Variants in TDRD1 observed in about 807,000 individuals in gnomAD.
TDRD1 encodes the protein tudor domain containing 1.
A neutral mutation model predicts 140.6 loss-of-function variants in TDRD1; 37 were observed. That is an observed-to-expected ratio of 0.26 (90% CI 0.20 to 0.35). The LOEUF (loss-of-function observed/expected upper bound fraction) is 0.35. Ranked by LOEUF, TDRD1 falls within the 10% of genes least tolerant of loss-of-function variation. The pLI is 1.00. For synonymous variants in TDRD1, 506 were observed against 475.7 expected (o/e 1.06, Z -0.83); for missense variants, 1,243 against 1,393.0 (o/e 0.89, Z 1.71).
chr10:114,175,034 A>C (rs2032660312), upstream of TDRD1, among the ~76,000 whole-genome samples: 1 of 152,250 alleles, frequency 6.6e-6, no homozygotes. Flanking sequence ...TTTGTAAAGC[A>C]AAACTTACTA....
chr10:114,228,535 G>C, intron 25 of TDRD1: 1 of 991,284 alleles, frequency 1.0e-6, no homozygotes, highest in Non-Finnish European at 1.2e-6. Flanking sequence ...TTTTGCGAGG[G>C]GTATCTAAAG....
intron 18 of TDRD1, among the ~76,000 whole-genome samples, chr10:114,219,615 T>G (rs911813175): frequency 3.3e-5 from 5 of 151,342 alleles, no homozygotes; most frequent in African/African-American, 9.7e-5. Flanking sequence ...GAGATGGGGT[T>G]TCACTGTTGT....
At chr10:114,175,321 T>A (rs1343834720), upstream of TDRD1, among the ~76,000 whole-genome samples, 4 of 152,224 alleles carry the variant, frequency 2.6e-5, no homozygotes, top group Non-Finnish European at 5.9e-5. Flanking sequence ...TATTTCTGAA[T>A]TTATAATTAG....
chr10:114,220,810 C>T (rs770069442), exon 19 of TDRD1: 1 of 1,611,782 alleles, frequency 6.2e-7, no homozygotes, highest in Admixed American at 1.7e-5. Context: ...TGTTAATAAA[C>T]ATGAGCTTCA....
exon 10 of TDRD1, chr10:114,204,801 T>A: frequency 6.2e-7 from 1 of 1,607,868 alleles, no homozygotes; most frequent in South Asian, 1.1e-5. Context: ...ACTAAACCAC[T>A]GTTAATGGAG....
intron 4 of TDRD1, among the ~76,000 whole-genome samples, chr10:114,200,465 C>A (rs1374223359): frequency 2.0e-5 from 3 of 152,130 alleles, no homozygotes; most frequent in African/African-American, 7.2e-5. Context: ...CAAGATCTCC[C>A]TGGGTTTTTC....
In TDRD1 at chr10:114,203,189, C is replaced by T; in HGVS notation, c.801+13C>T. On this transcript the variant is annotated intron_variant, in intron 7 of 25. Coordinates refer to ENST00000251864, the Ensembl canonical transcript of TDRD1. ...CATGGAAATAAAGGTATTTGTTTTT[C>T]TTCAATCTCCATAGACACAGATCCA... is the stretch of plus-strand genomic sequence containing the variant. 1 of 1,587,020 alleles carries T rather than the reference C, an allele frequency of 6.3e-7. No homozygotes were observed. The highest frequency in any genetic ancestry group is 8.6e-7 in the Non-Finnish European group (1 of 1,157,102).
rs114828350 is a variant in TDRD1 at position 114,217,511 on chromosome 10, G to A, written c.2213-34G>A. 4.0e-4 allele frequency: 460 copies of A among 1,162,414 alleles called. No homozygotes were observed. The African/African-American group carries it at 6.7e-3, about 17-fold the overall frequency. The allele number at this position is 1,162,414 out of a possible 1,614,324, so 72.0% of individuals were successfully genotyped here. On this transcript the variant is annotated intron_variant, in intron 16 of 25. Transcript: ENST00000251864. ...ATCTGTGTTGTTTATTTTTTAATAT[G>A]TTCTTAATTTTTTAATCCTATGTGT...
intron 5 of TDRD1, among the ~76,000 whole-genome samples, chr10:114,201,783 G>A (rs1461035193): frequency 2.6e-5 from 4 of 152,116 alleles, no homozygotes; most frequent in South Asian, 2.1e-4. Context: ...TTAATGATGT[G>A]TACTTTCCTG....
intron 1 of TDRD1, among the ~76,000 whole-genome samples, chr10:114,186,087 T>A (rs2033499086): frequency 6.6e-6 from 1 of 152,210 alleles, no homozygotes; most frequent in Non-Finnish European, 1.5e-5. Context: ...TTACTTGATG[T>A]TTTCTGTACT....
intron 16 of TDRD1, among the ~76,000 whole-genome samples, chr10:114,215,164 C>T (rs752576381): frequency 4.0e-4 from 61 of 152,276 alleles, no homozygotes; most frequent in Non-Finnish European, 5.4e-4. Flanking sequence ...CTTGCTGCTG[C>T]CCCCTGCACT....
At chr10:114,226,059 T>C (rs2036418222) in exon 22 of TDRD1, 2 of 1,614,030 alleles carry the variant, frequency 1.2e-6, no homozygotes, top group African/African-American at 2.7e-5. Context: ...GTGATGATTT[T>C]TGGTATCGTG....
At chr10:114,217,006 G>A (rs1045498921) in intron 16 of TDRD1, among the ~76,000 whole-genome samples, 2 of 152,118 alleles carry the variant, frequency 1.3e-5, no homozygotes, top group Non-Finnish European at 2.9e-5. Flanking sequence ...CCACTTCTGC[G>A]CTTCGCTAGC....
chr10:114,229,932 G>T (rs144252856), intron 25 of TDRD1, among the ~76,000 whole-genome samples: 13 of 151,806 alleles, frequency 8.6e-5, no homozygotes, highest in Admixed American at 2.0e-4. Context: ...CCGGGTTCAT[G>T]CCATTCTCCT....
At chr10:114,229,584 T>A (rs2036635295) in intron 25 of TDRD1, among the ~76,000 whole-genome samples, 1 of 147,218 alleles carries the variant, frequency 6.8e-6, no homozygotes, top group African/African-American at 2.5e-5. Flanking sequence ...AGTCTTGCTC[T>A]GTCACCCAGG....
chr10:114,187,959 G>A, exon 2 of TDRD1: 1 of 1,614,176 alleles, frequency 6.2e-7, no homozygotes, highest in Non-Finnish European at 8.5e-7. Context: ...TCTTTAAGAA[G>A]TCCTGGAACA....
chr10:114,213,916 A>G, intron 15 of TDRD1, 61 bp from the exon 16 acceptor site: 1 of 1,564,734 alleles, frequency 6.4e-7, no homozygotes, highest in South Asian at 1.1e-5. Flanking sequence ...TTCCTCAGCC[A>G]CCCCAACCTC....
rs190943030 is a variant in TDRD1 at position 114,208,999 on chromosome 10, G to A, written c.1385-1582G>A. ...GTGTTTCACCATGTTGGCCAGGATG[G>A]TCTCCATCTCCTGACCTCGTGAACT... is the stretch of plus-strand genomic sequence containing the variant. On this transcript the variant is annotated intron_variant, in intron 11 of 25. Coordinates refer to ENST00000251864, the Ensembl canonical transcript of TDRD1. Among the ~76,000 whole-genome samples the A allele has an allele frequency of 2.6e-3, 388 of 152,008 alleles. 2 individuals are homozygous for A. The highest frequency in any genetic ancestry group is 3.8e-3 in the Non-Finnish European group (258 of 67,972).
chr10:114,228,951 T>C, intron 25 of TDRD1: 1 of 193,434 alleles, frequency 5.2e-6, no homozygotes, highest in Non-Finnish European at 9.5e-6. Flanking sequence ...GGCATGGTGG[T>C]GCACACCTGT....
Sources: gnomAD v4.1 joint callset for allele counts (sites outside exome capture counted in the v4.1 genomes callset) on GRCh38, gnomAD v4.1.1 for gene constraint, MANE v1.5 for transcripts, NCBI Gene and HGNC (gene_info 2026-07-23, HGNC 2026-07-21) for gene names.